C4orf50: variants seen among roughly 807,000 people sequenced by gnomAD.
C4orf50 encodes uncharacterized protein C4orf50.
In C4orf50, 80 loss-of-function variants were observed where a neutral mutation model predicts 77.2. The observed-to-expected ratio is 1.04, with a 90% CI of 0.87 to 1.25. C4orf50 has a LOEUF of 1.25. Ranked by LOEUF, C4orf50 falls within the 50% of genes most tolerant of loss-of-function variation. C4orf50 has a pLI of 0.00. For missense variants in C4orf50, 1,257 were observed against 1,152.9 expected (o/e 1.09, Z -1.31); for synonymous variants, 532 against 465.3 (o/e 1.14, Z -1.84).
chr4:5,953,609 C>T (rs989091743), downstream of C4orf50, among the ~76,000 whole-genome samples: 7 of 152,186 alleles, frequency 4.6e-5, no homozygotes, highest in African/African-American at 1.4e-4. Flanking sequence ...CAGGACTGTT[C>T]TCAGGCCAGG....
In C4orf50 at chr4:6,008,693, T is replaced by C. The variant is rs970819378; in HGVS notation, c.427-161A>G. ...TCAAAGTATTATCTCTTTGACTGTT[T>C]TGGCATCCTCTTAAATTTTGCACGG... On this transcript the variant is annotated intron_variant, in intron 24 of 33. Transcript: ENST00000531445. The surrounding 1 kb of genome is among the most constrained non-coding windows in gnomAD (Gnocchi z 6.0). 6.6e-6 allele frequency among the ~76,000 whole-genome samples: 1 copy of C among 152,232 alleles called. No homozygotes were observed. The highest frequency in any genetic ancestry group is 6.5e-5 in the Admixed American group (1 of 15,290).
chr4:5,920,265 C>T (rs568954802), intron 7 of C4orf50, among the ~76,000 whole-genome samples: 1 of 152,254 alleles, frequency 6.6e-6, no homozygotes, highest in South Asian at 2.1e-4. Flanking sequence ...TCAAATCCCA[C>T]CTCTGCCACT....
At chr4:6,012,041 G>C in intron 23 of C4orf50, 73 bp from the exon 2 acceptor site, 1 of 398,770 alleles carries the variant, frequency 2.5e-6, no homozygotes, top group Non-Finnish European at 4.4e-6. Flanking sequence ...GCAGACACCA[G>C]GGCCAAATTA....
At chr4:5,931,376 TG>T (rs1204972475) in intron 7 of C4orf50, among the ~76,000 whole-genome samples, 2 of 152,206 alleles carry the variant, frequency 1.3e-5, no homozygotes, top group Non-Finnish European at 2.9e-5. Flanking sequence ...AACACATCTT[TG>T]CATTTGAACA....
chr4:5,975,139 C>CAAAAAAAAAAAA (rs763836859), intron 30 of C4orf50, among the ~76,000 whole-genome samples: 14 of 82,860 alleles, frequency 1.7e-4, no homozygotes, highest in African/African-American at 4.1e-4. Flanking sequence ...CACTCCATCT[C>CAAAAAAAAAAAA]AAAAAAAAAA....
intron 7 of C4orf50, among the ~76,000 whole-genome samples, chr4:5,913,303 A>G (rs1228951318): frequency 6.6e-6 from 1 of 152,198 alleles, no homozygotes; most frequent in Non-Finnish European, 1.5e-5. Flanking sequence ...ACTCCAGACC[A>G]TAGCTCCTTG....
rs1173887621 is a variant in C4orf50, at chr4:5,908,126, C to G, written c.*2475-9938G>C. 1.3e-5 allele frequency among the ~76,000 whole-genome samples: 2 copies of G among 152,146 alleles called. No homozygotes were observed. Among genetic ancestry groups the G allele is most frequent in the African/African-American group, 4.8e-5 (2 of 41,434 alleles). ...TTAAGTACCTACTATATGCCAGGCA[C>G]TGTGTTCAAGGCTATGGAGAATGTT... On this transcript the variant is annotated intron_variant, in intron 7 of 7. Transcript: ENST00000324058. This position sits in a 1 kb window ranked among gnomAD's most constrained non-coding sequence, Gnocchi z 5.6.
intron 7 of C4orf50, among the ~76,000 whole-genome samples, chr4:5,951,121 G>A (rs1275824278): frequency 6.6e-6 from 1 of 152,170 alleles, no homozygotes; most frequent in African/African-American, 2.4e-5. Flanking sequence ...ACCAGAACTA[G>A]GGTCCCGTCG....
At chr4:5,964,182 A>G (rs6446416) in intron 33 of C4orf50, among the ~76,000 whole-genome samples, 102,014 of 152,026 alleles carry the variant, frequency 0.67, 35,059 homozygotes, top group African/African-American at 0.74. Context: ...GGGTCTGTGC[A>G]GGAAGGAGCC....
At chr4:5,918,460 G>A (rs1252301822) in intron 7 of C4orf50, among the ~76,000 whole-genome samples, 1 of 152,194 alleles carries the variant, frequency 6.6e-6, no homozygotes, top group Non-Finnish European at 1.5e-5. Context: ...TCCTCCCACA[G>A]TTAAGGATTT....
chr4:5,994,334 G>C lies in C4orf50; in HGVS notation c.1093+13C>G, dbSNP rs905727453. On this transcript the variant is annotated intron_variant, in intron 26 of 33. Transcript: ENST00000531445. The stretch of plus-strand genomic sequence containing the variant: ...CCGCGACTCGTCCTCCACGCACCGC[G>C]GTACCCGCGCACCTGCTGGGGCCCT... 2.5e-6 allele frequency: 1 copy of C among 399,214 alleles called. No homozygotes were observed. The highest frequency in any genetic ancestry group is 2.1e-5 in the African/African-American group (1 of 48,768). 24.7% of individuals were successfully genotyped at this position (399,214 alleles called of 1,614,324 possible).
Position 6,017,333 on chromosome 4 carries a change from G to A in C4orf50, c.287+812C>T, listed in dbSNP as rs1012742576. Among the ~76,000 whole-genome samples, 12 of 152,308 alleles carry A rather than the reference G, an allele frequency of 7.9e-5. No homozygotes were observed. The South Asian group carries it at 8.3e-4, about 11-fold the overall frequency. ...GGGCAGAGCAGCCAGGCCACCCAGC[G>A]GGAGCTGGGACCGCAGAGGAAGCCG... On this transcript the variant is annotated intron_variant, in intron 23 of 33. Transcript: ENST00000531445. This position sits in a 1 kb window ranked among gnomAD's most constrained non-coding sequence, Gnocchi z 4.7.
At chr4:5,927,227 G>A (rs932952216) in intron 7 of C4orf50, among the ~76,000 whole-genome samples, 1 of 152,012 alleles carries the variant, frequency 6.6e-6, no homozygotes, top group African/African-American at 2.4e-5. Context: ...TCAGAAGCAG[G>A]TCTTATGGCA....
At chr4:5,975,133 C>T (rs1172823119) in intron 30 of C4orf50, among the ~76,000 whole-genome samples, 2 of 95,912 alleles carry the variant, frequency 2.1e-5, no homozygotes, top group African/African-American at 4.1e-5. Flanking sequence ...GAGTGACACT[C>T]CATCTCAAAA....
intron 7 of C4orf50, among the ~76,000 whole-genome samples, chr4:5,944,471 TAGA>T (rs2108752797): frequency 6.6e-6 from 1 of 152,206 alleles, no homozygotes; most frequent in Admixed American, 6.5e-5. Flanking sequence ...ATGAGACAAA[TAGA>T]AGGAGTGAGC....
At chr4:5,988,097 A>T (rs879896507) in intron 28 of C4orf50, among the ~76,000 whole-genome samples, 1 of 152,202 alleles carries the variant, frequency 6.6e-6, no homozygotes, top group Non-Finnish European at 1.5e-5. Flanking sequence ...TGAATCTCCC[A>T]TAGCAGGTGG....
chr4:5,936,982 T>A, intron 7 of C4orf50, among the ~76,000 whole-genome samples: 1 of 150,148 alleles, frequency 6.7e-6, no homozygotes, highest in Non-Finnish European at 1.5e-5. Context: ...GAAGAAATAA[T>A]AGAGAATCTA....
chr4:5,926,694 A>G (rs1038585680), intron 7 of C4orf50, among the ~76,000 whole-genome samples: 11 of 152,102 alleles, frequency 7.2e-5, no homozygotes, highest in African/African-American at 2.7e-4. Flanking sequence ...ATATTTTCTA[A>G]GCCAAATGAC....
rs555185580 is a variant in C4orf50 at position 5,901,273 on chromosome 4, G to A, written c.*2475-3085C>T. 1.3e-5 allele frequency: 2 copies of A among 152,328 alleles called. No individual in the cohort carries two copies. The highest frequency in any genetic ancestry group is 2.9e-5 in the Non-Finnish European group (2 of 68,016). 9.4% of individuals were successfully genotyped at this position (152,328 alleles called of 1,614,324 possible). On this transcript the variant is annotated intron_variant, in intron 7 of 7. Coordinates refer to the C4orf50 transcript ENST00000324058. This position sits in a 1 kb window ranked among gnomAD's most constrained non-coding sequence, Gnocchi z 4.4. The stretch of plus-strand genomic sequence containing the variant: ...TAAATGTGCATTATATTAATGACAT[G>A]AGTAAAGTATATGCACAACATGTAA...
Sources: gnomAD v4.1 joint callset for allele counts (sites outside exome capture counted in the v4.1 genomes callset) on GRCh38, gnomAD v4.1.1 for gene constraint, Gnocchi (gnomAD v3.1) non-coding constraint, MANE v1.5 for transcripts, NCBI Gene and HGNC (gene_info 2026-07-23, HGNC 2026-07-21) for gene names.